GREB1L: variants seen among roughly 807,000 people sequenced by gnomAD.
GREB1L encodes the protein GREB1 like retinoic acid receptor coactivator.
GREB1L carries 17 observed loss-of-function variants against 200.8 expected under a neutral mutation model. The ratio of observed to expected loss-of-function variants is 0.08; its 90% CI spans 0.06 to 0.13. The LOEUF is 0.13. GREB1L is among the 10% of genes least tolerant of loss of function. GREB1L has a pLI of 1.00. For missense variants in GREB1L, 1,657 were observed against 2,367.7 expected, an observed-to-expected ratio of 0.70 and a Z score of 6.23; for synonymous variants, 789 against 893.0, an observed-to-expected ratio of 0.88 and a Z score of 2.08.
At position 21,436,669 on chromosome 18, in the gene GREB1L, GGTGTGTGTGTGTGTGTGTGTGTGT is replaced by G. The variant is rs71178172; in HGVS notation, c.833-2827_833-2804del. The stretch of plus-strand genomic sequence containing the variant: ...AGATAGAATCCCAGAAAAGTTCAGT[GGTGTGTGTGTGTGTGTGTGTGTGT>G]GTGTGTGTGTGTGTGTGTGTGTGTT... On this transcript the variant is annotated intron_variant, in intron 7 of 32. Coordinates refer to ENST00000424526, the MANE Select transcript of GREB1L (RefSeq NM_001142966.3). Among the ~76,000 whole-genome samples the G allele has an allele frequency of 7.5e-5, 10 of 132,534 alleles. No homozygotes were observed. In the South Asian group the frequency reaches 1.1e-3, roughly 14 times the overall value. The allele number at this position is 132,534 out of a possible 152,430, so 86.9% of individuals were successfully genotyped here. A position where few individuals can be genotyped will look rare whatever the true frequency, so the allele number is the denominator to read the frequency against.
chr18:21,301,035 T>C (rs2038609121), intron 1 of GREB1L, among the ~76,000 whole-genome samples: 1 of 152,240 alleles, frequency 6.6e-6, no homozygotes, highest in Admixed American at 6.5e-5. Flanking sequence ...CTGTGTTTAA[T>C]TCAGTAGCAT....
chr18:21,473,341 G>A (rs1357471684), intron 16 of GREB1L, 130 bp downstream of exon 16: 11 of 563,710 alleles, frequency 2.0e-5, no homozygotes, highest in African/African-American at 3.9e-5. Context: ...AGGCTGAGGC[G>A]GGTGGATCAC....
intron 2 of GREB1L, among the ~76,000 whole-genome samples, chr18:21,377,006 A>G (rs1459356045): frequency 6.6e-6 from 1 of 152,138 alleles, no homozygotes; most frequent in African/African-American, 2.4e-5. Flanking sequence ...AGATATTAAC[A>G]AGCACTTCTG....
At chr18:21,280,833 G>A (rs1036735742) in intron 1 of GREB1L, among the ~76,000 whole-genome samples, 2 of 152,152 alleles carry the variant, frequency 1.3e-5, no homozygotes, top group East Asian at 3.9e-4. Context: ...ATGCTTTCTC[G>A]CTCTTTCACT....
chr18:21,257,968 A>G (rs1364310895), intron 1 of GREB1L, among the ~76,000 whole-genome samples: 3 of 152,174 alleles, frequency 2.0e-5, no homozygotes, highest in South Asian at 4.1e-4. Context: ...TAAATTTCAC[A>G]AGAGCCTTCA....
At chr18:21,426,446 A>G (rs1228049011) in intron 7 of GREB1L, among the ~76,000 whole-genome samples, 1 of 152,234 alleles carries the variant, frequency 6.6e-6, no homozygotes, top group Non-Finnish European at 1.5e-5. Context: ...CCATTTGTTA[A>G]GATGACTAAA....
chr18:21,281,799 G>T (rs763966946), intron 1 of GREB1L, among the ~76,000 whole-genome samples: 1 of 152,124 alleles, frequency 6.6e-6, no homozygotes, highest in Non-Finnish European at 1.5e-5. Context: ...CTGGATTGTG[G>T]TAATGGTTGC....
chr18:21,476,102 G>C (rs952560325), intron 16 of GREB1L, among the ~76,000 whole-genome samples: 23 of 151,928 alleles, frequency 1.5e-4, no homozygotes, highest in Non-Finnish European at 3.2e-4. Flanking sequence ...GCAGGGGTCG[G>C]GGGTGGCAAA....
chr18:21,365,871 A>G (rs1052621468), intron 1 of GREB1L, among the ~76,000 whole-genome samples, 156 bp from the exon 2 acceptor site: 2 of 152,148 alleles, frequency 1.3e-5, no homozygotes, highest in Non-Finnish European at 2.9e-5. Context: ...TTTGCTCATT[A>G]TAATGTATAT....
chr18:21,312,701 A>G (rs1281641284), intron 1 of GREB1L, among the ~76,000 whole-genome samples: 1 of 152,000 alleles, frequency 6.6e-6, no homozygotes, highest in East Asian at 1.9e-4. Context: ...CTACAGGCGC[A>G]TGCCACCATG....
intron 1 of GREB1L, among the ~76,000 whole-genome samples, chr18:21,291,289 C>T (rs2038446186): frequency 6.6e-6 from 1 of 152,164 alleles, no homozygotes; most frequent in Admixed American, 6.5e-5. Flanking sequence ...CCCTGACTCT[C>T]CCCAAACCTG....
At chr18:21,288,485 G>A (rs2038394320) in intron 1 of GREB1L, among the ~76,000 whole-genome samples, 1 of 152,066 alleles carries the variant, frequency 6.6e-6, no homozygotes, top group Non-Finnish European at 1.5e-5. Flanking sequence ...AATACCAAGA[G>A]AGTTATTTCT....
chr18:21,271,091 A>G (rs750731781), intron 1 of GREB1L, among the ~76,000 whole-genome samples: 3 of 152,236 alleles, frequency 2.0e-5, no homozygotes, highest in Non-Finnish European at 2.9e-5. Flanking sequence ...TTAAGAAAGT[A>G]TGAGAGACAC....
In GREB1L at chr18:21,411,100, TTAAC is replaced by T. The variant is rs1431093137; in HGVS notation, c.832+7109_832+7112del. On this transcript the variant is annotated intron_variant, in intron 7 of 32. Coordinates refer to ENST00000424526, the MANE Select transcript of GREB1L (RefSeq NM_001142966.3). ...TGGCAATAAATACATGAAAAGATGA[TTAAC>T]TACTTTGGTAATGAGGAAAATTAAA... Among the ~76,000 whole-genome samples the T allele has an allele frequency of 5.9e-5, 9 of 152,186 alleles. 1 individual carries two copies. Among genetic ancestry groups the T allele is most frequent in the African/African-American group, 2.2e-4 (9 of 41,460 alleles).
At chr18:21,520,551 G>A in intron 31 of GREB1L, 137 bp from the exon 32 acceptor site, 3 of 940,402 alleles carry the variant, frequency 3.2e-6, no homozygotes, top group Middle Eastern at 2.2e-4. Context: ...AGCCATTTAA[G>A]TTAATATTGG....
At chr18:21,326,718 T>C (rs1222731317) in intron 1 of GREB1L, among the ~76,000 whole-genome samples, 1 of 152,234 alleles carries the variant, frequency 6.6e-6, no homozygotes, top group Non-Finnish European at 1.5e-5. Context: ...AACATGAGAA[T>C]AAGACTGCTA....
chr18:21,244,416 T>C (rs1282816785), intron 1 of GREB1L, among the ~76,000 whole-genome samples: 1 of 152,216 alleles, frequency 6.6e-6, no homozygotes, highest in African/African-American at 2.4e-5. Context: ...GAGTTTCAGA[T>C]GTTTGGTTGC....
At chr18:21,244,716 A>T (rs2037567782) in intron 1 of GREB1L, among the ~76,000 whole-genome samples, 1 of 152,148 alleles carries the variant, frequency 6.6e-6, no homozygotes, top group South Asian at 2.1e-4. Flanking sequence ...TACGAGTTTG[A>T]TGTCATTGGA....
At chr18:21,271,649 C>CAAA (rs1191889292) in intron 1 of GREB1L, among the ~76,000 whole-genome samples, 68 of 51,960 alleles carry the variant, frequency 1.3e-3, no homozygotes, top group African/African-American at 4.0e-3. Flanking sequence ...GACCCTGTCT[C>CAAA]AAAAAAAAAA....
Sources: allele counts gnomAD v4.1 joint callset (sites outside exome capture counted in the v4.1 genomes callset), GRCh38; gene constraint gnomAD v4.1.1; transcripts MANE v1.5; gene names NCBI Gene and HGNC (gene_info 2026-07-23, HGNC 2026-07-21).